Variants in COP1 observed in about 807,000 individuals in gnomAD.
The protein encoded by COP1 is E3 ubiquitin-protein ligase COP1.
A neutral mutation model predicts 101.3 loss-of-function variants in COP1; 24 were observed. The observed-to-expected ratio is 0.24, with a 90% CI of 0.17 to 0.33. The LOEUF is 0.33. Ranked by LOEUF, COP1 falls within the 10% of genes least tolerant of loss-of-function variation. The pLI, the probability that COP1 is intolerant of heterozygous loss-of-function variation, is 1.00. For missense variants in COP1, 663 were observed against 906.2 expected (o/e 0.73, Z 3.45); for synonymous variants, 347 against 341.9 (o/e 1.01, Z -0.17).
At chr1:176,137,685 C>T (rs1690023945) in intron 6 of COP1, among the ~76,000 whole-genome samples, 1 of 152,114 alleles carries the variant, frequency 6.6e-6, no homozygotes, top group Admixed American at 6.6e-5. Context: ...CTTTTAACTA[C>T]TATTCTTTAC....
At chr1:176,033,178 G>A (rs1018492522) in intron 14 of COP1, among the ~76,000 whole-genome samples, 5 of 152,090 alleles carry the variant, frequency 3.3e-5, no homozygotes, top group Non-Finnish European at 5.9e-5. Flanking sequence ...TTGGGAGGCC[G>A]AGGTGGGTGG....
chr1:176,057,041 A>G (rs576247106), intron 11 of COP1, among the ~76,000 whole-genome samples: 20 of 152,320 alleles, frequency 1.3e-4, no homozygotes, highest in Non-Finnish European at 2.2e-4. Context: ...ATGCAAATGA[A>G]AATCCTATAA....
chr1:176,006,305 T>C (rs1305212277), intron 15 of COP1, among the ~76,000 whole-genome samples: 1 of 152,204 alleles, frequency 6.6e-6, no homozygotes, highest in Non-Finnish European at 1.5e-5. Context: ...TTTATCCAAT[T>C]TGCCAGTCTG....
At chr1:176,054,729 A>G (rs1367408215) in intron 11 of COP1, among the ~76,000 whole-genome samples, 1 of 151,966 alleles carries the variant, frequency 6.6e-6, no homozygotes, top group Non-Finnish European at 1.5e-5. Flanking sequence ...CAATTTTTCC[A>G]TCTATCCTGG....
intron 1 of COP1, among the ~76,000 whole-genome samples, chr1:176,191,928 T>G (rs77987810): frequency 6.6e-6 from 1 of 152,110 alleles, no homozygotes; most frequent in Admixed American, 6.6e-5. Flanking sequence ...CATTTTAGAC[T>G]GTAATTTAAC....
intron 3 of COP1, among the ~76,000 whole-genome samples, chr1:176,174,406 C>T (rs960830985): frequency 6.6e-6 from 1 of 152,130 alleles, no homozygotes; most frequent in Middle Eastern, 3.2e-3. Context: ...GGTACCATGC[C>T]ACTCAATATT....
intron 11 of COP1, among the ~76,000 whole-genome samples, chr1:176,073,022 A>G (rs1434348794): frequency 6.6e-6 from 1 of 152,216 alleles, no homozygotes; most frequent in Non-Finnish European, 1.5e-5. Context: ...GAAGAGCACT[A>G]GAATTCAGGT....
At chr1:175,992,297 C>A (rs1658732854) in intron 15 of COP1, among the ~76,000 whole-genome samples, 1 of 152,200 alleles carries the variant, frequency 6.6e-6, no homozygotes, top group South Asian at 2.1e-4. Flanking sequence ...CAGCTCCAGT[C>A]TACAGCTCCC....
chr1:176,099,651 A>G (rs1683040142), intron 9 of COP1, among the ~76,000 whole-genome samples: 3 of 152,106 alleles, frequency 2.0e-5, no homozygotes, highest in African/African-American at 2.4e-5. Context: ...ACTGGATGCA[A>G]CTGGAGAAAT....
chr1:175,976,362 A>G (rs759481582), intron 18 of COP1, among the ~76,000 whole-genome samples: 18 of 134,494 alleles, frequency 1.3e-4, no homozygotes, highest in Non-Finnish European at 2.3e-4. Context: ...ACTGCAACCT[A>G]CACCTCCCGG....
At chr1:176,176,081 C>G in intron 2 of COP1, 74 bp from the exon 3 acceptor site, 2 of 723,352 alleles carry the variant, frequency 2.8e-6, no homozygotes, top group Non-Finnish European at 4.8e-6. Flanking sequence ...AAAATAATGA[C>G]TATTAGTCTT....
At chr1:176,082,471 G>A (rs996940386) in intron 10 of COP1, among the ~76,000 whole-genome samples, 2 of 152,084 alleles carry the variant, frequency 1.3e-5, no homozygotes, top group African/African-American at 2.4e-5. Context: ...GAAAATAACT[G>A]TTTGCATGAC....
At chr1:176,045,324 G>C (rs1671319845) in intron 12 of COP1, among the ~76,000 whole-genome samples, 1 of 151,992 alleles carries the variant, frequency 6.6e-6, no homozygotes, top group Admixed American at 6.6e-5. Flanking sequence ...TGCCACAAAT[G>C]AATGGGGAAG....
chr1:176,171,028 G>A (rs1487799870), intron 3 of COP1, among the ~76,000 whole-genome samples: 1 of 149,542 alleles, frequency 6.7e-6, no homozygotes, highest in Admixed American at 6.8e-5. Flanking sequence ...AGGAGGCTGA[G>A]GCAGGAGAAT....
chr1:176,073,191 T>C (rs983321546), intron 11 of COP1, among the ~76,000 whole-genome samples: 11 of 152,168 alleles, frequency 7.2e-5, no homozygotes, highest in Admixed American at 4.6e-4. Flanking sequence ...AATTAGGGAA[T>C]TGATGTAAAA....
intron 14 of COP1, among the ~76,000 whole-genome samples, chr1:176,029,301 G>A (rs952771858): frequency 3.3e-5 from 5 of 152,086 alleles, no homozygotes; most frequent in African/African-American, 1.2e-4. Context: ...AGTAGTCTAA[G>A]CCAGTGATAT....
chr1:176,132,625 A>G lies in COP1; in HGVS notation c.968+2385T>C, dbSNP rs1157712449. Among the ~76,000 whole-genome samples, 15 of 68,882 alleles carry G rather than the reference A, an allele frequency of 2.2e-4. 1 individual carries two copies. The highest frequency in any genetic ancestry group is 8.6e-4 in the African/African-American group (15 of 17,430). The allele number at this position is 68,882 out of a possible 152,430, so 45.2% of individuals were successfully genotyped here. ...ATGTACGTATATATACTATATATAC[A>G]CACATATACACATATGTACGTATAT... On this transcript the variant is annotated intron_variant, in intron 8 of 19. Coordinates refer to ENST00000367669, the MANE Select transcript of COP1 (RefSeq NM_022457.7).
chr1:176,026,009 T>A (rs1431411351), intron 15 of COP1, among the ~76,000 whole-genome samples: 1 of 152,108 alleles, frequency 6.6e-6, no homozygotes, highest in African/African-American at 2.4e-5. Flanking sequence ...CAAGAAAGTC[T>A]GATAAGAATC....
chr1:176,123,462 G>C (rs1211340771), intron 8 of COP1, among the ~76,000 whole-genome samples: 2 of 152,028 alleles, frequency 1.3e-5, no homozygotes, highest in Admixed American at 1.3e-4. Context: ...AATAATTAAA[G>C]GGGAAAAGAG....
Sources: gnomAD v4.1 joint callset for allele counts (sites outside exome capture counted in the v4.1 genomes callset) on GRCh38, gnomAD v4.1.1 for gene constraint, MANE v1.5 for transcripts, NCBI Gene and HGNC (gene_info 2026-07-23, HGNC 2026-07-21) for gene names.